The following CDH20 variants were observed in gnomAD, a reference collection of about 807,000 sequenced individuals.
The protein encoded by CDH20 is cadherin 20.
In CDH20, 29 loss-of-function variants were observed where a neutral mutation model predicts 74.2. The observed-to-expected ratio is 0.39, with a 90% CI of 0.29 to 0.53. The LOEUF (loss-of-function observed/expected upper bound fraction) is 0.53, where lower values mean the gene tolerates loss of function less well. Among genes scored for constraint, CDH20 ranks in the 20% least tolerant of loss-of-function variants. CDH20 has a pLI of 0.69. For missense variants in CDH20, 988 were observed against 1,048.3 expected (o/e 0.94, Z 0.79); for synonymous variants, 469 against 405.4 (o/e 1.16, Z -1.88).
intron 10 of CDH20, among the ~76,000 whole-genome samples, chr18:61,548,732 TTCTC>T (rs1174146172): frequency 1.3e-5 from 2 of 152,210 alleles, no homozygotes; most frequent in African/African-American, 4.8e-5. Flanking sequence ...CTGTGGTTCT[TTCTC>T]AGTAACTACA....
intron 1 of CDH20, among the ~76,000 whole-genome samples, chr18:61,449,055 G>T (rs1230183197): frequency 1.3e-5 from 2 of 152,088 alleles, no homozygotes; most frequent in African/African-American, 4.8e-5. Context: ...TTTATATTTT[G>T]CTTTCAGTGC....
At chr18:61,501,586 A>G (rs1911386560) in intron 4 of CDH20, among the ~76,000 whole-genome samples, 1 of 152,224 alleles carries the variant, frequency 6.6e-6, no homozygotes, top group African/African-American at 2.4e-5. Context: ...TTATTTGAAA[A>G]AGAAAAAATA....
intron 7 of CDH20, among the ~76,000 whole-genome samples, chr18:61,533,668 TG>T (rs1305830011): frequency 1.7e-4 from 26 of 152,360 alleles, no homozygotes; most frequent in African/African-American, 5.3e-4. Context: ...CATGTGCTTT[TG>T]GGGTCATATC....
At chr18:61,467,687 A>G (rs532935739) in intron 1 of CDH20, among the ~76,000 whole-genome samples, 188 of 152,266 alleles carry the variant, frequency 1.2e-3, no homozygotes, top group Non-Finnish European at 2.3e-3. Flanking sequence ...AGCATCTCTT[A>G]TGTTCTACAC....
intron 1 of CDH20, among the ~76,000 whole-genome samples, chr18:61,402,880 T>C (rs939303397): frequency 5.3e-5 from 8 of 152,242 alleles, no homozygotes; most frequent in African/African-American, 1.9e-4. Context: ...TCGTGCATTC[T>C]GAAGCAGTTC....
Position 61,503,062 on chromosome 18 carries a change from C to G in CDH20, c.771C>G (p.Thr257=). ...MGGQLGGLAG[T]TTVNITLSDV... ...GGCAGCTTGGAGGATTAGCTGGGAC[C>G]ACAACAGTCAACATCACCCTCTCAG... The change falls in exon 5 of 12, where the codon ACC becomes ACG. Residue 257 remains threonine (T), a synonymous_variant. Coordinates refer to ENST00000262717, the MANE Select transcript of CDH20 (RefSeq NM_031891.4). 6.2e-7 allele frequency: 1 copy of G among 1,613,796 alleles called. No homozygotes were observed. The highest frequency in any genetic ancestry group is 8.5e-7 in the Non-Finnish European group (1 of 1,179,810).
At chr18:61,487,977 T>G (rs953001280) in intron 1 of CDH20, among the ~76,000 whole-genome samples, 1 of 152,090 alleles carries the variant, frequency 6.6e-6, no homozygotes, top group Non-Finnish European at 1.5e-5. Context: ...TCAAAGCAAG[T>G]TGCTACAACC....
chr18:61,357,466 C>T (rs2144126010), intron 1 of CDH20, among the ~76,000 whole-genome samples: 1 of 152,274 alleles, frequency 6.6e-6, no homozygotes, highest in East Asian at 1.9e-4. Flanking sequence ...TCAACAAAAT[C>T]ATTAAGGGGC....
chr18:61,418,000 A>G (rs1912747585), intron 1 of CDH20, among the ~76,000 whole-genome samples: 1 of 152,236 alleles, frequency 6.6e-6, no homozygotes, highest in South Asian at 2.1e-4. Flanking sequence ...TTTCTTAAAA[A>G]TATGTCAAAT....
intron 1 of CDH20, among the ~76,000 whole-genome samples, chr18:61,423,876 G>C (rs866885898): frequency 2.6e-5 from 4 of 152,124 alleles, no homozygotes; most frequent in Admixed American, 2.6e-4. Flanking sequence ...AAAGAGTATA[G>C]CATATGCACA....
intron 1 of CDH20, among the ~76,000 whole-genome samples, chr18:61,363,103 A>G (rs1263371535): frequency 6.6e-6 from 1 of 152,152 alleles, no homozygotes; most frequent in Non-Finnish European, 1.5e-5. Flanking sequence ...TGGGCCCTTA[A>G]TATGCCCAGA....
chr18:61,428,565 C>G (rs1027514798), intron 1 of CDH20, among the ~76,000 whole-genome samples: 4 of 152,114 alleles, frequency 2.6e-5, no homozygotes, highest in African/African-American at 9.7e-5. Flanking sequence ...TAGAAGATCC[C>G]CATCAACACT....
In CDH20 at chr18:61,449,778, A is replaced by C. The variant is rs1477454637; in HGVS notation, c.-152-40624A>C. On this transcript the variant is annotated intron_variant, in intron 1 of 11. Coordinates refer to ENST00000262717, the MANE Select transcript of CDH20 (RefSeq NM_031891.4). Reference sequence around the variant, plus strand: ...AATAGAAAAAAATATATATATATATACACACACACATACATATGCACACTG... The same window carrying C: ...AATAGAAAAAAATATATATATATATCCACACACACATACATATGCACACTG... Among the ~76,000 whole-genome samples, 5 of 151,930 alleles carry C rather than the reference A, an allele frequency of 3.3e-5. No individual in the cohort carries two copies. In the East Asian group the frequency reaches 5.8e-4, roughly 18 times the overall value.
chr18:61,497,126 A>G (rs1196415060), intron 2 of CDH20, among the ~76,000 whole-genome samples: 1 of 145,782 alleles, frequency 6.9e-6, no homozygotes, highest in South Asian at 2.2e-4. Context: ...AAAGAAAGAA[A>G]AAAGAAAATA....
At chr18:61,497,956 G>C (rs533397648) in intron 2 of CDH20, among the ~76,000 whole-genome samples, 1 of 152,144 alleles carries the variant, frequency 6.6e-6, no homozygotes, top group African/African-American at 2.4e-5. Flanking sequence ...TTTAGAAAGA[G>C]ACCATTACCT....
intron 1 of CDH20, among the ~76,000 whole-genome samples, chr18:61,357,030 T>G (rs1022455813): frequency 3.9e-5 from 6 of 152,202 alleles, no homozygotes. Context: ...CTTGAAGGCT[T>G]AACTATACCA....
intron 1 of CDH20, among the ~76,000 whole-genome samples, chr18:61,478,181 A>G (rs1910458576): frequency 1.3e-5 from 2 of 151,772 alleles, no homozygotes. Flanking sequence ...CCTGGGCAAC[A>G]GAGCGAGACT....
intron 1 of CDH20, among the ~76,000 whole-genome samples, chr18:61,422,682 C>A (rs978872390): frequency 2.6e-5 from 4 of 151,652 alleles, no homozygotes; most frequent in Non-Finnish European, 4.4e-5. Flanking sequence ...GATTACATGA[C>A]ATTTAATAAA....
At position 61,545,012 on chromosome 18, in the gene CDH20, A is replaced by G. The variant is rs1257648082; in HGVS notation, c.1531-15A>G. ...CTTTGGCTCCAACTCACCTGATTTC[A>G]TGTCCCTCCCTCAGCTGATCCAGAC... On this transcript the variant is annotated splice_polypyrimidine_tract_variant and intron_variant, in intron 9 of 11. Coordinates refer to ENST00000262717, the MANE Select transcript of CDH20 (RefSeq NM_031891.4). 21 of 1,576,136 alleles carry G rather than the reference A, an allele frequency of 1.3e-5. No homozygotes were observed. Among genetic ancestry groups the G allele is most frequent in the Non-Finnish European group, 1.8e-5 (21 of 1,145,402 alleles).
Sources: allele counts gnomAD v4.1 joint callset (sites outside exome capture counted in the v4.1 genomes callset), GRCh38; gene constraint gnomAD v4.1.1; transcripts MANE v1.5; gene names NCBI Gene and HGNC (gene_info 2026-07-23, HGNC 2026-07-21).